GEM: variants seen among roughly 807,000 people sequenced by gnomAD.
GEM encodes the protein GTP-binding protein GEM.
Under a neutral mutation model 33.0 loss-of-function variants are expected in GEM, and 31 were observed. The observed-to-expected ratio is 0.94, with a 90% CI of 0.71 to 1.27. GEM has a LOEUF of 1.27. Ranked by LOEUF, GEM falls within the 50% of genes most tolerant of loss-of-function variation. The pLI, the probability that GEM is intolerant of heterozygous loss-of-function variation, is 0.00. For missense variants in GEM, 354 were observed against 390.5 expected (o/e 0.91, Z 0.79); for synonymous variants, 141 against 143.7 (o/e 0.98, Z 0.13).
intron 2 of GEM, among the ~76,000 whole-genome samples, chr8:94,258,015 C>G (rs1808933005): frequency 1.3e-5 from 2 of 152,126 alleles, no homozygotes; most frequent in East Asian, 3.9e-4. Flanking sequence ...AATCCTGTGT[C>G]TTTTCATGGT....
At chr8:94,250,656 A>G in intron 4 of GEM, 69 bp from the exon 5 acceptor site, 3 of 1,360,374 alleles carry the variant, frequency 2.2e-6, no homozygotes, top group East Asian at 4.7e-5. Context: ...GTCAAGCTGG[A>G]TGGTTCTTCG....
In GEM at chr8:94,255,451, C is replaced by A. The variant is rs183448663; in HGVS notation, c.332-2339G>T. ...CTCAGCACGTGTGCTCCCCACTTTA[C>A]CCCCCACCCCAGTACATGAGTTTAG... is the stretch of plus-strand genomic sequence containing the variant. On this transcript the variant is annotated intron_variant, in intron 2 of 4. Transcript: ENST00000297596. 4.5e-3 allele frequency among the ~76,000 whole-genome samples: 689 copies of A among 152,012 alleles called. 23 individuals carry two copies. Among genetic ancestry groups the A allele is most frequent in the Admixed American group, 0.041 (625 of 15,258 alleles).
chr8:94,253,638 G>A (rs1274840188), intron 2 of GEM, among the ~76,000 whole-genome samples: 3 of 140,758 alleles, frequency 2.1e-5, no homozygotes, highest in Non-Finnish European at 5.0e-5. Flanking sequence ...TCCCTGTTTT[G>A]GCTGTAGTTT....
At chr8:94,259,876 G>T (rs537587446) in intron 2 of GEM, 21 of 296,030 alleles carry the variant, frequency 7.1e-5, no homozygotes, top group African/African-American at 4.2e-4. Context: ...CAAGTGGGGC[G>T]CTGACCCTCT....
rs1004379522 is a variant in GEM at position 94,249,973 on chromosome 8, T to A, written c.*337A>T. On this transcript the variant is annotated 3_prime_UTR_variant, in exon 5 of 5. Transcript: ENST00000297596. ...TCACATATCAGAACACTGGGAAAAATTTTTAATGATGAAAAGTTCTTGTTC... is the reference window on the plus strand; with the variant it reads ...TCACATATCAGAACACTGGGAAAAAATTTTAATGATGAAAAGTTCTTGTTC... The A allele has an allele frequency of 4.7e-6, 1 of 212,654 alleles. No homozygotes were observed. The highest frequency in any genetic ancestry group is 9.2e-6 in the Non-Finnish European group (1 of 108,922). The allele number at this position is 212,654 out of a possible 1,614,324, so 13.2% of individuals were successfully genotyped here.
At position 94,249,801 on chromosome 8, in the gene GEM, T is replaced by G. The variant is rs1259374204; in HGVS notation, c.*509A>C. The G allele has an allele frequency of 6.6e-6, 1 of 152,342 alleles. No homozygotes were observed. Among genetic ancestry groups the G allele is most frequent in the African/African-American group, 2.4e-5 (1 of 41,438 alleles). The allele number at this position is 152,342 out of a possible 1,614,324, so 9.4% of individuals were successfully genotyped here. The stretch of plus-strand genomic sequence containing the variant: ...GTCCACATCATTTCTTTTCACAGTT[T>G]GATGGAGCAATAATAGTCACGATTC... On this transcript the variant is annotated 3_prime_UTR_variant, in exon 5 of 5. Transcript: ENST00000297596.
intron 1 of GEM, 47 bp from the exon 2 acceptor site, chr8:94,260,559 A>G: frequency 9.4e-7 from 1 of 1,064,158 alleles, no homozygotes; most frequent in Non-Finnish European, 1.4e-6. Flanking sequence ...AGCATGAGTG[A>G]GAGCTCCGCT....
Position 94,262,168 on chromosome 8 carries a change from A to ACT in GEM, c.-90_-89dup, listed in dbSNP as rs1278887800. On this transcript the variant is annotated 5_prime_UTR_variant, in exon 1 of 5. Coordinates refer to ENST00000297596, the MANE Select transcript of GEM (RefSeq NM_005261.4). ...AAGTTCTGCGGGCTGGGAAACTCCC[A>ACT]CTCTCTCCCTTCTCCGTCTCGGGCC... The ACT allele has an allele frequency of 1.3e-5, 2 of 150,636 alleles. No individual in the cohort carries two copies. The highest frequency in any genetic ancestry group is 3.0e-5 in the Non-Finnish European group (2 of 67,552). 9.3% of individuals were successfully genotyped at this position (150,636 alleles called of 1,614,324 possible). A position where few individuals can be genotyped will look rare whatever the true frequency, so the allele number is the denominator to read the frequency against.
chr8:94,255,396 G>C lies in GEM; in HGVS notation c.332-2284C>G, dbSNP rs376063351. 2.0e-5 allele frequency among the ~76,000 whole-genome samples: 3 copies of C among 152,118 alleles called. No individual in the cohort carries two copies. In the South Asian group the frequency reaches 6.2e-4, roughly 32 times the overall value. On this transcript the variant is annotated intron_variant, in intron 2 of 4. Transcript: ENST00000297596. Reference sequence around the variant, plus strand: ...CTGAAAATTACGGTGTTGGAGGCCTGGGAGGCTAAAACAATCCATCTCCTC... The same window carrying C: ...CTGAAAATTACGGTGTTGGAGGCCTCGGAGGCTAAAACAATCCATCTCCTC...
chr8:94,257,137 CTTTTATTTA>C (rs995622101), intron 2 of GEM, among the ~76,000 whole-genome samples: 20 of 152,026 alleles, frequency 1.3e-4, no homozygotes, highest in African/African-American at 3.9e-4. Flanking sequence ...TTCCATGAAG[CTTTTATTTA>C]TTTTATTTAT....
rs2250208 is a variant in GEM, at chr8:94,262,129, T to C, written c.-49A>G. 0.51 allele frequency: 77,988 copies of C among 152,010 alleles called. 20,846 individuals carry two copies. The highest frequency in any genetic ancestry group is 0.63 in the Middle Eastern group (186 of 296). 9.4% of individuals were successfully genotyped at this position (152,010 alleles called of 1,614,324 possible). On this transcript the variant is annotated 5_prime_UTR_variant, in exon 1 of 5. Transcript: ENST00000297596. Reference sequence around the variant, plus strand: ...GCTGAGCGCACGTTCCAGGGGTTCTTTTCTCAACTTCGAAAGTTCTGCGGG... The same window carrying C: ...GCTGAGCGCACGTTCCAGGGGTTCTCTTCTCAACTTCGAAAGTTCTGCGGG...
Position 94,252,146 on chromosome 8 carries a change from T to C in GEM, c.486A>G (p.Arg162=), listed in dbSNP as rs967481717. The C allele has an allele frequency of 3.7e-6, 6 of 1,613,608 alleles. No individual in the cohort carries two copies. In the African/African-American group the frequency reaches 4.0e-5, roughly 11 times the overall value. ...AYLIVYSITD[R]ASFEKASELR... ...GCTCAGATGCCTTCTCGAAGCTCGC[T>C]CGGTCTGTGATTGAGTAGACAATCA... Residue 162 remains arginine (R), a synonymous_variant, in exon 4 of 5, where the codon CGA becomes CGG. Transcript: ENST00000297596.
Position 94,260,456 on chromosome 8 carries a change from C to T in GEM, c.48G>A (p.Gln16=). ...GGATGCTCCAGCGCTGCTGCTGTGG[C>T]TGCATGCCCACAGTGCCCTGGCGCA... ...VTMRQGTVGM[Q]PQQQRWSIPA... Residue 16 remains glutamine (Q), a synonymous_variant, in exon 2 of 5, where the codon CAG becomes CAA. Coordinates refer to ENST00000297596, the MANE Select transcript of GEM (RefSeq NM_005261.4). The T allele has an allele frequency of 1.2e-6, 2 of 1,612,404 alleles. No individual in the cohort carries two copies. Among genetic ancestry groups the T allele is most frequent in the Non-Finnish European group, 1.7e-6 (2 of 1,178,776 alleles).
chr8:94,260,109 C>G (rs950917586), intron 2 of GEM, 64 bp downstream of exon 2: 15 of 1,063,562 alleles, frequency 1.4e-5, no homozygotes, highest in African/African-American at 3.1e-5. Context: ...AAGTCACCCA[C>G]CCTCACTCTT....
At chr8:94,250,612 A>G in intron 4 of GEM, 25 bp from the exon 5 acceptor site, 2 of 1,597,098 alleles carry the variant, frequency 1.3e-6, no homozygotes, top group East Asian at 2.2e-5. Flanking sequence ...AAGAGGTCAG[A>G]GGGACTGCAG....
rs1350688149 is a variant in GEM, at chr8:94,260,398, C to T, written c.106G>A (p.Glu36Lys). Reference protein sequence around the residue: ...ADGRHLMVQKEPHQYSHRNRH... With the variant: ...ADGRHLMVQKKPHQYSHRNRH... Reference sequence around the variant, plus strand: ...TTGCGGTGGCTGTACTGGTGGGGCTCTTTCTGGACCATCAGATGCCTGCCA... The same window carrying T: ...TTGCGGTGGCTGTACTGGTGGGGCTTTTTCTGGACCATCAGATGCCTGCCA... Residue 36 changes from glutamate (E) to lysine (K), a missense_variant, in exon 2 of 5, where the codon GAG (glutamate) becomes AAG (lysine). Coordinates refer to ENST00000297596, the MANE Select transcript of GEM (RefSeq NM_005261.4). 1.2e-6 allele frequency: 2 copies of T among 1,613,892 alleles called. No homozygotes were observed. Among genetic ancestry groups the T allele is most frequent in the Admixed American group, 3.3e-5 (2 of 60,008 alleles).
chr8:94,260,355 G>C lies in GEM; in HGVS notation c.149C>G (p.Pro50Arg). ...YSHRNRHSAT[P>R]EDHCRRSWSS... Reference sequence around the variant, plus strand: ...CCAGCTTCGGCGGCAGTGGTCCTCAGGGGTAGCAGAATGGCGGTTGCGGTG... The same window carrying C: ...CCAGCTTCGGCGGCAGTGGTCCTCACGGGTAGCAGAATGGCGGTTGCGGTG... Residue 50 changes from proline (P) to arginine (R), a missense_variant, in exon 2 of 5, where the codon CCT becomes CGT. Transcript: ENST00000297596. The C allele has an allele frequency of 6.2e-7, 1 of 1,614,220 alleles. No homozygotes were observed. Among genetic ancestry groups the C allele is most frequent in the Non-Finnish European group, 8.5e-7 (1 of 1,180,040 alleles).
At chr8:94,258,449 C>T (rs541980813) in intron 2 of GEM, among the ~76,000 whole-genome samples, 1 of 152,136 alleles carries the variant, frequency 6.6e-6, no homozygotes, top group East Asian at 1.9e-4. Context: ...CGCCTTGTAT[C>T]CCAGAGCTTA....
chr8:94,259,009 G>A (rs1808958676), intron 2 of GEM, among the ~76,000 whole-genome samples: 1 of 152,150 alleles, frequency 6.6e-6, no homozygotes, highest in African/African-American at 2.4e-5. Flanking sequence ...AAGTCACCTG[G>A]CAGCCTTTAC....
Sources: allele counts gnomAD v4.1 joint callset (sites outside exome capture counted in the v4.1 genomes callset), GRCh38; gene constraint gnomAD v4.1.1; transcripts MANE v1.5; gene names NCBI Gene and HGNC (gene_info 2026-07-23, HGNC 2026-07-21).